CDH8: variants seen among roughly 807,000 people sequenced by gnomAD.
CDH8 encodes cadherin-8.
In CDH8, 17 loss-of-function variants were observed where a neutral mutation model predicts 68.1. The observed-to-expected ratio is 0.25, with a 90% confidence interval of 0.17 to 0.37. The LOEUF is 0.37. CDH8 is among the 10% of genes least tolerant of loss of function. The pLI is 1.00. For synonymous variants in CDH8, 372 were observed against 365.1 expected, an observed-to-expected ratio of 1.02 and a Z score of -0.21; for missense variants, 763 against 999.3, an observed-to-expected ratio of 0.76 and a Z score of 3.19.
chr16:61,910,747 T>C (rs987945052), intron 2 of CDH8, among the ~76,000 whole-genome samples: 19 of 152,106 alleles, frequency 1.2e-4, no homozygotes, highest in African/African-American at 4.3e-4. Flanking sequence ...ATTTAGGAAA[T>C]ATAATGATGA....
At chr16:61,949,979 C>A (rs1195527379) in intron 2 of CDH8, among the ~76,000 whole-genome samples, 1 of 137,388 alleles carries the variant, frequency 7.3e-6, no homozygotes, top group Non-Finnish European at 1.6e-5. Context: ...CAGAGCAAGA[C>A]CCTGTCTTAA....
chr16:61,917,968 C>CTT (rs71390381), intron 2 of CDH8, among the ~76,000 whole-genome samples: 14 of 131,798 alleles, frequency 1.1e-4, no homozygotes, highest in South Asian at 2.4e-4. Flanking sequence ...AAGTTATTTG[C>CTT]TTTTTTTTTT....
Position 61,652,311 on chromosome 16 carries a change from A to T in CDH8, c.*1297T>A, listed in dbSNP as rs780610202. On this transcript the variant is annotated 3_prime_UTR_variant, in exon 12 of 12. Coordinates refer to ENST00000577390, the MANE Select transcript of CDH8 (RefSeq NM_001796.5). ...TAAACAGTGAAATTATGTACAAATC[A>T]GTTCCTGCTCTAAAACTGTGGGGGT... is the stretch of plus-strand genomic sequence containing the variant. 3.2e-5 allele frequency: 32 copies of T among 985,146 alleles called. No individual in the cohort carries two copies. Among genetic ancestry groups the T allele is most frequent in the Middle Eastern group, 5.2e-4 (1 of 1,914 alleles). The allele number at this position is 985,146 out of a possible 1,614,324, so 61.0% of individuals were successfully genotyped here. A position where few individuals can be genotyped will look rare whatever the true frequency, so the allele number is the denominator to read the frequency against.
chr16:61,720,713 C>T (rs917916416), intron 9 of CDH8, among the ~76,000 whole-genome samples: 2 of 150,454 alleles, frequency 1.3e-5, no homozygotes, highest in Non-Finnish European at 3.0e-5. Flanking sequence ...TTTCTTTCAC[C>T]CTTGACAAAT....
At chr16:61,916,524 G>C (rs1268201078) in intron 2 of CDH8, among the ~76,000 whole-genome samples, 1 of 151,982 alleles carries the variant, frequency 6.6e-6, no homozygotes, top group Non-Finnish European at 1.5e-5. Context: ...CAAAAAATAA[G>C]TAAATAAATA....
intron 10 of CDH8, chr16:61,693,721 A>C (rs915271933): frequency 6.6e-6 from 1 of 152,198 alleles, no homozygotes; most frequent in Non-Finnish European, 1.5e-5. Flanking sequence ...GAAGAGAAAG[A>C]GGTAAATGAG....
chr16:61,944,853 G>T (rs1001831507), intron 2 of CDH8, among the ~76,000 whole-genome samples: 1 of 152,034 alleles, frequency 6.6e-6, no homozygotes, highest in Non-Finnish European at 1.5e-5. Context: ...GGCTTCTCAA[G>T]TTCAAGGATG....
chr16:61,960,248 T>C (rs113637171), intron 2 of CDH8, among the ~76,000 whole-genome samples: 1,407 of 104,546 alleles, frequency 0.013, 408 homozygotes, highest in Non-Finnish European at 0.017. Context: ...CATGTGTGTG[T>C]GTATACACAT....
At chr16:61,850,350 G>T (rs1962912139) in intron 4 of CDH8, among the ~76,000 whole-genome samples, 1 of 151,914 alleles carries the variant, frequency 6.6e-6, no homozygotes, top group South Asian at 2.1e-4. Flanking sequence ...CATTCATAAG[G>T]GATCTGCCGC....
intron 2 of CDH8, among the ~76,000 whole-genome samples, chr16:61,918,910 G>A (rs1282986436): frequency 1.3e-5 from 2 of 149,916 alleles, no homozygotes; most frequent in Admixed American, 6.8e-5. Context: ...AGACTTAAAT[G>A]TCCCTGTCTG....
rs146223680 is a variant in CDH8 at position 61,710,101 on chromosome 16, G to C, written c.1654+3740C>G. Among the ~76,000 whole-genome samples the C allele has an allele frequency of 1.9e-3, 283 of 152,210 alleles. 3 individuals are homozygous for C. Among genetic ancestry groups the C allele is most frequent in the African/African-American group, 6.6e-3 (275 of 41,536 alleles). On this transcript the variant is annotated intron_variant, in intron 10 of 11. Coordinates refer to ENST00000577390, the MANE Select transcript of CDH8 (RefSeq NM_001796.5). ...ATAAAGGGACCTCGTCCCACTTATT[G>C]TTGCGTGTTTTTCTATATGCCAGGC... is the stretch of plus-strand genomic sequence containing the variant.
rs182453250 is a variant in CDH8, at chr16:61,687,368, T to G, written c.1654+26473A>C. On this transcript the variant is annotated intron_variant, in intron 10 of 11. Coordinates refer to ENST00000577390, the MANE Select transcript of CDH8 (RefSeq NM_001796.5). ...ATCTTAACTTTAGATGAGGACATAA[T>G]AATCACATACCCGTTTTGTAGACCA... Among the ~76,000 whole-genome samples, 353 of 152,064 alleles carry G rather than the reference T, an allele frequency of 2.3e-3. 2 individuals are homozygous for G. The highest frequency in any genetic ancestry group is 8.2e-3 in the African/African-American group (340 of 41,510).
chr16:61,854,048 G>A lies in CDH8; in HGVS notation c.667+3071C>T, dbSNP rs148574975. 2.8e-3 allele frequency among the ~76,000 whole-genome samples: 421 copies of A among 151,566 alleles called. 2 individuals are homozygous for A. The highest frequency in any genetic ancestry group is 7.9e-3 in the South Asian group (38 of 4,806). ...CAAGCACATATTTACATACACATGTGTATATATGTATACATATATGTGTGA... is the reference window on the plus strand; with the variant it reads ...CAAGCACATATTTACATACACATGTATATATATGTATACATATATGTGTGA... On this transcript the variant is annotated intron_variant, in intron 4 of 11. Transcript: ENST00000577390.
intron 7 of CDH8, among the ~76,000 whole-genome samples, chr16:61,790,048 T>G (rs993621606): frequency 8.5e-5 from 13 of 152,104 alleles, no homozygotes; most frequent in Non-Finnish European, 1.9e-4. Context: ...AGAAATTGGA[T>G]AGTTGTTGAT....
rs1391462511 is a variant in CDH8, at chr16:61,919,091, T to C, written c.253-17618A>G. Among the ~76,000 whole-genome samples, 4 of 145,802 alleles carry C rather than the reference T, an allele frequency of 2.7e-5. 1 individual carries two copies. The East Asian group carries it at 9.1e-4, about 33-fold the overall frequency. On this transcript the variant is annotated intron_variant, in intron 2 of 11. Transcript: ENST00000577390. ...ACACGGCAGGGTATTCCAACAGACC[T>C]GCAGCTGAGGGTCCTGTCTGTTAGA...
intron 3 of CDH8, among the ~76,000 whole-genome samples, chr16:61,898,348 C>T (rs576800744): frequency 2.0e-5 from 3 of 152,000 alleles, no homozygotes; most frequent in African/African-American, 7.2e-5. Context: ...AAAAATAGAG[C>T]TCCTTTCACA....
At chr16:61,954,862 G>T (rs1964960116) in intron 2 of CDH8, among the ~76,000 whole-genome samples, 1 of 152,150 alleles carries the variant, frequency 6.6e-6, no homozygotes, top group African/African-American at 2.4e-5. Flanking sequence ...TGGGAGAAGT[G>T]AAATATCTAA....
chr16:61,782,520 C>A (rs1296794039), intron 8 of CDH8, among the ~76,000 whole-genome samples: 1 of 152,078 alleles, frequency 6.6e-6, no homozygotes, highest in African/African-American at 2.4e-5. Context: ...GGAGGGGCGC[C>A]CGCCATTGCC....
rs1414931970 is a variant in CDH8, at chr16:61,995,345, C to T, written c.252+25807G>A. The stretch of plus-strand genomic sequence containing the variant: ...ATTCTCAGATTCTAAAGCAATAGAT[C>T]GGCCTGTCTGGGGAGCAGGCATGTT... On this transcript the variant is annotated intron_variant, in intron 2 of 11. Coordinates refer to ENST00000577390, the MANE Select transcript of CDH8 (RefSeq NM_001796.5). Among the ~76,000 whole-genome samples, 4 of 152,054 alleles carry T rather than the reference C, an allele frequency of 2.6e-5. 1 individual carries two copies. The highest frequency in any genetic ancestry group is 1.9e-4 in the East Asian group (1 of 5,182).
Sources: gnomAD v4.1 joint callset for allele counts (sites outside exome capture counted in the v4.1 genomes callset) on GRCh38, gnomAD v4.1.1 for gene constraint, MANE v1.5 for transcripts, NCBI Gene and HGNC (gene_info 2026-07-23, HGNC 2026-07-21) for gene names.